The following DLG2 variants were observed in gnomAD, a reference collection of about 807,000 sequenced individuals.
The protein encoded by DLG2 is disks large homolog 2.
In DLG2, 45 loss-of-function variants were observed where a neutral mutation model predicts 132.5. The ratio of observed to expected loss-of-function variants is 0.34; its 90% confidence interval spans 0.27 to 0.44. The LOEUF (loss-of-function observed/expected upper bound fraction) is 0.44, where lower values mean the gene tolerates loss of function less well. Among genes scored for constraint, DLG2 ranks in the 20% least tolerant of loss-of-function variants. The probability of loss-of-function intolerance (pLI) is 1.00; values close to 1 mark genes in which losing one functional copy is unlikely to be tolerated. For synonymous variants in DLG2, 424 were observed against 419.6 expected (o/e 1.01, Z -0.13); for missense variants, 1,045 against 1,196.9 (o/e 0.87, Z 1.87).
chr11:84,415,677 C>A (rs964158458), intron 7 of DLG2, among the ~76,000 whole-genome samples: 1 of 152,174 alleles, frequency 6.6e-6, no homozygotes, highest in East Asian at 1.9e-4. Context: ...TCTTCCCAGA[C>A]CCTCAGGCTT....
chr11:84,643,446 A>C (rs570910574), intron 6 of DLG2, among the ~76,000 whole-genome samples: 1 of 152,310 alleles, frequency 6.6e-6, no homozygotes, highest in South Asian at 2.1e-4. Flanking sequence ...GTGTTACCCC[A>C]GTTTCCTCAC....
chr11:84,847,450 T>C lies in DLG2; in HGVS notation c.357+264211A>G, dbSNP rs113516047. Among the ~76,000 whole-genome samples the C allele has an allele frequency of 4.4e-3, 675 of 152,304 alleles. 2 individuals are homozygous for C. Among genetic ancestry groups the C allele is most frequent in the Non-Finnish European group, 6.3e-3 (427 of 68,030 alleles). ...TTTGTTTTGGAGTTTGGGAGTTTTA[T>C]GGGTTTTTTAGTGATGTACAATAAA... On this transcript the variant is annotated intron_variant, in intron 6 of 27. Transcript: ENST00000376104.
intron 6 of DLG2, among the ~76,000 whole-genome samples, chr11:84,920,273 C>A (rs1288123403): frequency 2.0e-5 from 3 of 152,198 alleles, no homozygotes; most frequent in African/African-American, 7.2e-5. Context: ...ATTTGCAGCT[C>A]TTTGAAGTGC....
intron 7 of DLG2, among the ~76,000 whole-genome samples, chr11:84,404,922 T>C (rs933687692): frequency 6.6e-6 from 1 of 152,178 alleles, no homozygotes; most frequent in Non-Finnish European, 1.5e-5. Flanking sequence ...TATAGACCAA[T>C]AGCCTAGTGT....
intron 5 of DLG2, among the ~76,000 whole-genome samples, chr11:85,142,235 C>T (rs183699287): frequency 6.4e-4 from 97 of 151,784 alleles, no homozygotes; most frequent in Non-Finnish European, 1.2e-3. Flanking sequence ...ATTTCTTTTA[C>T]TAATGTTTTA....
intron 10 of DLG2, among the ~76,000 whole-genome samples, chr11:84,097,727 T>G (rs982811670): frequency 6.6e-6 from 1 of 152,146 alleles, no homozygotes; most frequent in South Asian, 2.1e-4. Context: ...CAGCAAGAGT[T>G]TATTGAGCCA....
chr11:85,358,648 C>T (rs1223510778), intron 3 of DLG2, among the ~76,000 whole-genome samples: 4 of 152,212 alleles, frequency 2.6e-5, no homozygotes, highest in South Asian at 4.1e-4. Flanking sequence ...TTCCAAATTG[C>T]TTCAAGTGTT....
At chr11:85,132,370 T>C (rs1457962174) in intron 5 of DLG2, among the ~76,000 whole-genome samples, 2 of 152,138 alleles carry the variant, frequency 1.3e-5, no homozygotes, top group African/African-American at 4.8e-5. Flanking sequence ...ACAGAAGACA[T>C]GGTTTTTAAA....
intron 6 of DLG2, among the ~76,000 whole-genome samples, chr11:84,563,687 A>G (rs533572027): frequency 2.6e-5 from 4 of 152,350 alleles, no homozygotes; most frequent in Non-Finnish European, 5.9e-5. Context: ...TTTGAGTTCA[A>G]GAAAGTTTAA....
chr11:83,915,207 G>A (rs1188160061), intron 15 of DLG2, among the ~76,000 whole-genome samples: 4 of 152,282 alleles, frequency 2.6e-5, no homozygotes. Flanking sequence ...CAACCTTAGT[G>A]CAAATGAATT....
chr11:84,862,817 C>T lies in DLG2; in HGVS notation c.357+248844G>A, dbSNP rs1019435072. ...GGGGACATCACACACCAGGTCCTGT[C>T]GGGGGGGGGGGGTGGGGGACTAGGG... On this transcript the variant is annotated intron_variant, in intron 6 of 27. Transcript: ENST00000376104. 4.1e-4 allele frequency among the ~76,000 whole-genome samples: 19 copies of T among 46,176 alleles called. No homozygotes were observed. The East Asian group carries it at 6.4e-3, about 16-fold the overall frequency. The allele number at this position is 46,176 out of a possible 152,430, so 30.3% of individuals were successfully genotyped here. A position where few individuals can be genotyped will look rare whatever the true frequency, so the allele number is the denominator to read the frequency against.
intron 7 of DLG2, among the ~76,000 whole-genome samples, chr11:84,304,261 C>G (rs1227337675): frequency 6.6e-6 from 1 of 152,148 alleles, no homozygotes; most frequent in Non-Finnish European, 1.5e-5. Flanking sequence ...GTGAGTTAGG[C>G]TACATTCTGG....
At position 84,363,371 on chromosome 11, in the gene DLG2, T is replaced by C. The variant is rs1274640712; in HGVS notation, c.520-112080A>G. Among the ~76,000 whole-genome samples, 12 of 151,902 alleles carry C rather than the reference T, an allele frequency of 7.9e-5. No individual in the cohort carries two copies. In the South Asian group the frequency reaches 2.1e-3, roughly 26 times the overall value. ...TTGATGGGGTTGTTGGTTTTTTTCT[T>C]GTAAATTTGTTTGAGTTCATTGTAG... is the stretch of plus-strand genomic sequence containing the variant. On this transcript the variant is annotated intron_variant, in intron 7 of 27. Coordinates refer to ENST00000376104, the MANE Select transcript of DLG2 (RefSeq NM_001142699.3).
intron 6 of DLG2, among the ~76,000 whole-genome samples, chr11:84,936,981 C>T (rs1436445727): frequency 9.9e-5 from 15 of 151,998 alleles, no homozygotes; most frequent in Non-Finnish European, 1.8e-4. Context: ...GGTAAAACCA[C>T]GTCTGTACTA....
intron 6 of DLG2, among the ~76,000 whole-genome samples, chr11:84,767,552 A>G (rs964431943): frequency 2.6e-5 from 4 of 152,098 alleles, no homozygotes; most frequent in Non-Finnish European, 5.9e-5. Flanking sequence ...AGCAGAGATA[A>G]TAAAGTCCTC....
chr11:84,237,291 T>A (rs2097170889), intron 8 of DLG2, among the ~76,000 whole-genome samples: 1 of 152,128 alleles, frequency 6.6e-6, no homozygotes, highest in Admixed American at 6.5e-5. Context: ...GAGCCACTGC[T>A]TTGAGACATC....
At chr11:84,731,249 C>T (rs1175986792) in intron 6 of DLG2, among the ~76,000 whole-genome samples, 1 of 152,036 alleles carries the variant, frequency 6.6e-6, no homozygotes, top group Non-Finnish European at 1.5e-5. Flanking sequence ...TTATCTCCCC[C>T]TTTTGGTTAC....
At chr11:85,572,634 C>G (rs1424045621) in intron 3 of DLG2, among the ~76,000 whole-genome samples, 2 of 152,136 alleles carry the variant, frequency 1.3e-5, no homozygotes, top group Admixed American at 1.3e-4. Flanking sequence ...TTCAAGATTT[C>G]CTTCTGGGAA....
At chr11:84,998,962 T>A (rs1487036268) in intron 6 of DLG2, among the ~76,000 whole-genome samples, 1 of 149,530 alleles carries the variant, frequency 6.7e-6, no homozygotes, top group Non-Finnish European at 1.5e-5. Context: ...CCTTTTAACT[T>A]ATTATTACAA....
Sources: allele counts gnomAD v4.1 joint callset (sites outside exome capture counted in the v4.1 genomes callset), GRCh38; gene constraint gnomAD v4.1.1; transcripts MANE v1.5; gene names NCBI Gene and HGNC (gene_info 2026-07-23, HGNC 2026-07-21).